Variants in NEGR1 observed in about 807,000 individuals in gnomAD.
NEGR1 encodes the protein neuronal growth regulator 1.
In NEGR1, 10 loss-of-function variants were observed where a neutral mutation model predicts 40.9. That is an observed-to-expected ratio of 0.24 (90% CI 0.15 to 0.42). The LOEUF (loss-of-function observed/expected upper bound fraction) is 0.42, where lower values mean the gene tolerates loss of function less well. Ranked by LOEUF, NEGR1 falls within the 10% of genes least tolerant of loss-of-function variation. The pLI is 1.00. For synonymous variants in NEGR1, 185 were observed against 166.8 expected (o/e 1.11, Z -0.84); for missense variants, 352 against 438.9 (o/e 0.80, Z 1.77).
At chr1:72,011,846 T>C (rs531293399) in intron 1 of NEGR1, among the ~76,000 whole-genome samples, 1 of 152,126 alleles carries the variant, frequency 6.6e-6, no homozygotes, top group East Asian at 1.9e-4. Flanking sequence ...ACGAATAAAA[T>C]AGCCTAAAGT....
intron 1 of NEGR1, among the ~76,000 whole-genome samples, chr1:72,114,486 T>C (rs1448000878): frequency 6.6e-6 from 1 of 151,700 alleles, no homozygotes; most frequent in African/African-American, 2.4e-5. Flanking sequence ...GATAGATAAA[T>C]AGATAGATAG....
At chr1:72,136,805 T>C (rs565051734) in intron 1 of NEGR1, among the ~76,000 whole-genome samples, 30 of 152,054 alleles carry the variant, frequency 2.0e-4, no homozygotes, top group African/African-American at 6.0e-4. Flanking sequence ...GCAGAGTTAA[T>C]AGGCAACCTA....
intron 3 of NEGR1, among the ~76,000 whole-genome samples, chr1:71,708,701 C>A (rs1243923956): frequency 1.3e-5 from 2 of 152,060 alleles, no homozygotes; most frequent in African/African-American, 4.8e-5. Context: ...CATCCCATCA[C>A]CACATATTAA....
rs1327964819 is a variant in NEGR1, at chr1:71,407,465, T to C, written c.1046A>G (p.Lys349Arg). The C allele has an allele frequency of 1.9e-6, 3 of 1,612,168 alleles. No homozygotes were observed. Among genetic ancestry groups the C allele is most frequent in the Non-Finnish European group, 8.5e-7 (1 of 1,178,688 alleles). ...LSSFTSIFYL[K>R]NAILQ is the part of the protein sequence containing the mutation. ...TTGAATTTATTGTAGAATGGCATTC[T>C]TCAGGTAGAATATGCTGGTGAAAGA... The change falls in exon 7 of 7, where the codon AAG becomes AGG. Residue 349 changes from lysine (K) to arginine (R), a missense_variant. Transcript: ENST00000357731.
intron 6 of NEGR1, among the ~76,000 whole-genome samples, chr1:71,433,309 C>G (rs564622037): frequency 6.6e-6 from 1 of 152,172 alleles, no homozygotes; most frequent in African/African-American, 2.4e-5. Flanking sequence ...AACAAATTAA[C>G]GTATCTATCA....
chr1:72,095,952 C>T (rs1046665985), intron 1 of NEGR1, among the ~76,000 whole-genome samples: 11 of 152,200 alleles, frequency 7.2e-5, no homozygotes, highest in African/African-American at 2.4e-4. Context: ...AGTCAATTTT[C>T]AAAATAGTGG....
chr1:72,104,725 T>C (rs919381266), intron 1 of NEGR1, among the ~76,000 whole-genome samples: 1 of 152,206 alleles, frequency 6.6e-6, no homozygotes, highest in African/African-American at 2.4e-5. Flanking sequence ...GCCTTGAATT[T>C]GTTTTTTAAA....
At chr1:72,199,150 C>CAG (rs34602311) in intron 1 of NEGR1, among the ~76,000 whole-genome samples, 6,559 of 115,112 alleles carry the variant, frequency 0.057, 151 homozygotes, top group East Asian at 0.11. Context: ...GATAGACAGA[C>CAG]AGAGAGAGAG....
intron 1 of NEGR1, among the ~76,000 whole-genome samples, chr1:72,134,360 C>A (rs973097811): frequency 1.3e-5 from 2 of 151,774 alleles, no homozygotes; most frequent in African/African-American, 2.4e-5. Context: ...CGCCCGCCAC[C>A]ACGCCCGCTA....
intron 3 of NEGR1, among the ~76,000 whole-genome samples, chr1:71,756,394 C>CAAAAAAAAAAAAA (rs1293104436): frequency 1.7e-5 from 1 of 58,642 alleles, no homozygotes; most frequent in African/African-American, 6.6e-5. Flanking sequence ...CTCAAAAAAA[C>CAAAAAAAAAAAAA]AAAAAACAAA....
At position 71,767,322 on chromosome 1, in the gene NEGR1, G is replaced by T. The variant is rs148032625; in HGVS notation, c.535+8850C>A. On this transcript the variant is annotated intron_variant, in intron 3 of 6. Transcript: ENST00000357731. ...CTCAGATAGAAATGAGGAATGTATT[G>T]GGAACTAGAGTAAAGGTCACTTTTG... Among the ~76,000 whole-genome samples the T allele has an allele frequency of 6.1e-3, 921 of 152,192 alleles. 4 individuals carry two copies. Among genetic ancestry groups the T allele is most frequent in the Middle Eastern group, 0.01 (3 of 294 alleles).
intron 2 of NEGR1, among the ~76,000 whole-genome samples, chr1:71,862,752 CA>C (rs1659988005): frequency 6.6e-6 from 1 of 151,666 alleles, no homozygotes; most frequent in East Asian, 1.9e-4. Context: ...AAATTTATAA[CA>C]AAAAAACAAA....
chr1:71,557,972 C>T (rs1648307385), intron 6 of NEGR1, among the ~76,000 whole-genome samples: 1 of 151,408 alleles, frequency 6.6e-6, no homozygotes, highest in African/African-American at 2.4e-5. Context: ...CAGAAAGCCC[C>T]TCTATTTGGA....
chr1:71,771,699 C>CA (rs60830449), intron 3 of NEGR1, among the ~76,000 whole-genome samples: 32 of 12,058 alleles, frequency 2.7e-3, no homozygotes, highest in African/African-American at 6.1e-3. Flanking sequence ...GACTTAGTCT[C>CA]AAAAAAAAAA....
chr1:72,138,989 A>G (rs1475993638), intron 1 of NEGR1, among the ~76,000 whole-genome samples: 1 of 151,978 alleles, frequency 6.6e-6, no homozygotes, highest in East Asian at 1.9e-4. Flanking sequence ...AATTCAAGTC[A>G]TAGAAAGTAT....
intron 6 of NEGR1, among the ~76,000 whole-genome samples, chr1:71,436,246 G>T (rs949865901): frequency 1.3e-5 from 2 of 149,490 alleles, no homozygotes; most frequent in South Asian, 4.2e-4. Flanking sequence ...AAAAAAAGGT[G>T]GGGTATGAAG....
intron 4 of NEGR1, among the ~76,000 whole-genome samples, chr1:71,646,227 T>C (rs1346864487): frequency 6.6e-6 from 1 of 151,812 alleles, no homozygotes; most frequent in African/African-American, 2.4e-5. Flanking sequence ...TAAACACATA[T>C]ATATACATTC....
At chr1:71,958,478 A>C (rs1646136469) in intron 1 of NEGR1, among the ~76,000 whole-genome samples, 1 of 152,142 alleles carries the variant, frequency 6.6e-6, no homozygotes, top group African/African-American at 2.4e-5. Flanking sequence ...ACTTTCTCAT[A>C]CTCCAGGGAA....
intron 6 of NEGR1, among the ~76,000 whole-genome samples, chr1:71,494,623 G>C (rs900174939): frequency 2.6e-5 from 4 of 152,050 alleles, no homozygotes; most frequent in African/African-American, 4.8e-5. Flanking sequence ...TTAAATTGTA[G>C]CCAGCTGGTC....
Sources: allele counts gnomAD v4.1 joint callset (sites outside exome capture counted in the v4.1 genomes callset), GRCh38; gene constraint gnomAD v4.1.1; transcripts MANE v1.5; gene names NCBI Gene and HGNC (gene_info 2026-07-23, HGNC 2026-07-21).